GRM7: variants seen among roughly 807,000 people sequenced by gnomAD.
The protein encoded by GRM7 is glutamate metabotropic receptor 7.
A neutral mutation model predicts 84.5 loss-of-function variants in GRM7; 35 were observed. That is an observed-to-expected ratio of 0.41 (90% CI 0.32 to 0.55). The LOEUF (loss-of-function observed/expected upper bound fraction) is 0.55, where lower values mean the gene tolerates loss of function less well. Ranked by LOEUF, GRM7 falls within the 20% of genes least tolerant of loss-of-function variation. GRM7 has a pLI of 0.19. For missense variants in GRM7, 1,003 were observed against 1,194.6 expected, an observed-to-expected ratio of 0.84 and a Z score of 2.36; for synonymous variants, 487 against 455.1, an observed-to-expected ratio of 1.07 and a Z score of -0.89.
chr3:7,345,171 A>T (rs1200578837), intron 4 of GRM7, among the ~76,000 whole-genome samples: 2 of 152,128 alleles, frequency 1.3e-5, no homozygotes, highest in Non-Finnish European at 2.9e-5. Flanking sequence ...ATTTTCCATT[A>T]TAAATATCCT....
In GRM7 at chr3:6,897,407, G is replaced by C. The variant is rs557210477; in HGVS notation, c.519+35500G>C. Among the ~76,000 whole-genome samples the C allele has an allele frequency of 2.9e-4, 44 of 152,278 alleles. No individual in the cohort carries two copies. The South Asian group carries it at 4.3e-3, about 15-fold the overall frequency. On this transcript the variant is annotated intron_variant, in intron 1 of 9. Coordinates refer to ENST00000357716, the MANE Select transcript of GRM7 (RefSeq NM_000844.4). Reference sequence around the variant, plus strand: ...CCAGGTGACTTCAATGCCTACTCAAGTTTAAGAACCACCAGTTTAGATCTA... The same window carrying C: ...CCAGGTGACTTCAATGCCTACTCAACTTTAAGAACCACCAGTTTAGATCTA...
intron 1 of GRM7, among the ~76,000 whole-genome samples, chr3:7,011,264 T>C (rs191635970): frequency 5.5e-4 from 84 of 152,300 alleles, no homozygotes; most frequent in African/African-American, 2.0e-3. Flanking sequence ...CAGCAATCAA[T>C]ATTATTAATG....
chr3:7,083,580 T>C (rs1698341898), intron 1 of GRM7, among the ~76,000 whole-genome samples: 1 of 152,106 alleles, frequency 6.6e-6, no homozygotes, highest in Non-Finnish European at 1.5e-5. Context: ...TTCATCACTC[T>C]TTCTGTAGGC....
chr3:7,110,243 C>A (rs533604262), intron 1 of GRM7, among the ~76,000 whole-genome samples: 2 of 152,082 alleles, frequency 1.3e-5, no homozygotes, highest in Admixed American at 6.6e-5. Flanking sequence ...GATGTCCAAC[C>A]CAATCACATT....
chr3:7,362,786 GA>G (rs1220965024), intron 4 of GRM7, among the ~76,000 whole-genome samples: 1 of 152,096 alleles, frequency 6.6e-6, no homozygotes, highest in Non-Finnish European at 1.5e-5. Context: ...CCTGATACTT[GA>G]GTAATATTAT....
At chr3:7,185,146 C>A (rs577983784) in intron 2 of GRM7, among the ~76,000 whole-genome samples, 1 of 152,034 alleles carries the variant, frequency 6.6e-6, no homozygotes, top group African/African-American at 2.4e-5. Context: ...TCTGCAAATG[C>A]GACCACCATG....
chr3:7,226,658 T>G (rs1253381542), intron 2 of GRM7, among the ~76,000 whole-genome samples: 1 of 152,190 alleles, frequency 6.6e-6, no homozygotes, highest in Non-Finnish European at 1.5e-5. Flanking sequence ...CTTAGGTGTG[T>G]CCACCATAGA....
chr3:7,604,279 G>A (rs1324044499), intron 8 of GRM7, among the ~76,000 whole-genome samples: 2 of 152,152 alleles, frequency 1.3e-5, no homozygotes, highest in Non-Finnish European at 2.9e-5. Flanking sequence ...GGCCTAGCCT[G>A]ATTATTTACA....
chr3:7,453,315 T>G (rs1161245657), intron 6 of GRM7, among the ~76,000 whole-genome samples: 1 of 152,046 alleles, frequency 6.6e-6, no homozygotes, highest in Non-Finnish European at 1.5e-5. Flanking sequence ...CTATCTGGCA[T>G]GCTGTGAAAC....
chr3:7,715,174 T>C (rs1451443343), intron 9 of GRM7, among the ~76,000 whole-genome samples: 2 of 152,096 alleles, frequency 1.3e-5, no homozygotes, highest in Non-Finnish European at 2.9e-5. Flanking sequence ...AGGAAAGCAA[T>C]GGTGGCTGGG....
rs142563458 is a variant in GRM7, at chr3:7,645,766, C to T, written c.2452-34283C>T. On this transcript the variant is annotated intron_variant, in intron 8 of 9. Transcript: ENST00000357716. ...AAATAAGCTCTTGTGGACCTGTTTACGACTGAGCTATCAGCCTTTGCATTT... is the reference window on the plus strand; with the variant it reads ...AAATAAGCTCTTGTGGACCTGTTTATGACTGAGCTATCAGCCTTTGCATTT... Among the ~76,000 whole-genome samples the T allele has an allele frequency of 3.9e-3, 591 of 152,094 alleles. 4 individuals are homozygous for T. The highest frequency in any genetic ancestry group is 7.1e-3 in the Non-Finnish European group (484 of 67,990).
intron 2 of GRM7, among the ~76,000 whole-genome samples, chr3:7,152,808 C>T (rs2036238): frequency 0.36 from 54,187 of 151,960 alleles, 10,067 homozygotes; most frequent in African/African-American, 0.46. Flanking sequence ...TGTGTAAGTT[C>T]TGATGAAAGA....
At chr3:6,933,281 A>G (rs62235410) in intron 1 of GRM7, among the ~76,000 whole-genome samples, 11,125 of 152,180 alleles carry the variant, frequency 0.073, 554 homozygotes, top group Non-Finnish European at 0.11. Context: ...TCCCCAAAAC[A>G]TGTTCATTCT....
chr3:7,680,274 T>C lies in GRM7; in HGVS notation c.2677T>C (p.Cys893Arg), dbSNP rs1198528547. ...RPNGEAKTEL[C>R]ENVDPNSPAA... ...CAACGGTGAGGCAAAGACCGAGCTC[T>C]GTGAAAACGTAGACCCAAACAGTAA... is the stretch of plus-strand genomic sequence containing the variant. The change falls in exon 9 of 10, where the codon TGT becomes CGT. Residue 893 changes from cysteine (C) to arginine (R), a missense_variant. Transcript: ENST00000357716. 1.2e-6 allele frequency: 2 copies of C among 1,614,156 alleles called. No individual in the cohort carries two copies. The highest frequency in any genetic ancestry group is 1.7e-6 in the Non-Finnish European group (2 of 1,179,964).
intron 2 of GRM7, among the ~76,000 whole-genome samples, chr3:7,274,219 C>A (rs577626094): frequency 3.9e-5 from 6 of 152,048 alleles, no homozygotes; most frequent in African/African-American, 1.4e-4. Flanking sequence ...ATTCATTTTA[C>A]TTATACACAA....
chr3:6,880,448 A>T (rs1695466699), intron 1 of GRM7, among the ~76,000 whole-genome samples: 1 of 152,168 alleles, frequency 6.6e-6, no homozygotes, highest in Non-Finnish European at 1.5e-5. Context: ...TTCTCTGCAG[A>T]TGTCCTGGCG....
At chr3:7,005,606 A>G (rs1234209978) in intron 1 of GRM7, among the ~76,000 whole-genome samples, 1 of 151,848 alleles carries the variant, frequency 6.6e-6, no homozygotes, top group Non-Finnish European at 1.5e-5. Flanking sequence ...TCATCATGAA[A>G]CTCCTCTGGG....
Position 6,928,170 on chromosome 3 carries a change from C to G in GRM7, c.519+66263C>G, listed in dbSNP as rs771294216. Among the ~76,000 whole-genome samples, 1 of 151,634 alleles carries G rather than the reference C, an allele frequency of 6.6e-6. No homozygotes were observed. The highest frequency in any genetic ancestry group is 2.4e-5 in the African/African-American group (1 of 41,244). ...TTGATCCTGTTGCCTCTTCCAAGCA[C>G]GTTGCTTGGTTTGCATTAACTGGGC... On this transcript the variant is annotated intron_variant, in intron 1 of 9. Coordinates refer to ENST00000357716, the MANE Select transcript of GRM7 (RefSeq NM_000844.4). The surrounding 1 kb of genome is among the most constrained non-coding windows in gnomAD (Gnocchi z 4.5).
At chr3:7,214,750 A>G (rs1559506359) in intron 2 of GRM7, among the ~76,000 whole-genome samples, 1 of 152,226 alleles carries the variant, frequency 6.6e-6, no homozygotes, top group African/African-American at 2.4e-5. Flanking sequence ...ACGTTCAGAG[A>G]AAAAGAATAC....
Sources: gnomAD v4.1 joint callset for allele counts (sites outside exome capture counted in the v4.1 genomes callset) on GRCh38, gnomAD v4.1.1 for gene constraint, Gnocchi (gnomAD v3.1) non-coding constraint, MANE v1.5 for transcripts, NCBI Gene and HGNC (gene_info 2026-07-23, HGNC 2026-07-21) for gene names.